Variants in CHRNB4 observed in about 807,000 individuals in gnomAD.
CHRNB4 encodes the protein cholinergic receptor nicotinic beta 4 subunit.
CHRNB4 carries 23 observed loss-of-function variants against 40.4 expected under a neutral mutation model. The ratio of observed to expected loss-of-function variants is 0.57; its 90% CI spans 0.41 to 0.81. The LOEUF is 0.81. Among genes scored for constraint, CHRNB4 ranks in the 30% least tolerant of loss-of-function variants. The probability of loss-of-function intolerance (pLI) is 0.00; values close to 1 mark genes in which losing one functional copy is unlikely to be tolerated. For synonymous variants in CHRNB4, 285 were observed against 274.4 expected (o/e 1.04, Z -0.38); for missense variants, 568 against 670.6 (o/e 0.85, Z 1.69).
At chr15:78,638,222 C>T (rs1256032741) in intron 1 of CHRNB4, among the ~76,000 whole-genome samples, 9 of 152,204 alleles carry the variant, frequency 5.9e-5, no homozygotes, top group African/African-American at 1.7e-4. Context: ...GCTCCAGCTC[C>T]GAGCCCACCT....
At chr15:78,660,385 G>C (rs1185406059) in intron 1 of CHRNB4, 1 of 152,234 alleles carries the variant, frequency 6.6e-6, no homozygotes, top group Non-Finnish European at 1.5e-5. Context: ...ATTGTTTCCT[G>C]GGAGAAGCCA....
rs1029430468 is a variant in CHRNB4, at chr15:78,641,141, G to T, written c.-8C>A. On this transcript the variant is annotated 5_prime_UTR_variant, in exon 1 of 6. Transcript: ENST00000261751. ...GGAAGGCGCGCGCCTCATGGCCGGC[G>T]GGGCCGGGTGGCAGCCGCCGCGAGC... 7.7e-6 allele frequency: 12 copies of T among 1,551,726 alleles called. No individual in the cohort carries two copies. In the African/African-American group the frequency reaches 1.5e-4, roughly 20 times the overall value.
intron 1 of CHRNB4, among the ~76,000 whole-genome samples, chr15:78,638,489 A>T (rs1567129782): frequency 6.6e-6 from 1 of 152,142 alleles, no homozygotes. Flanking sequence ...GTCTTCCCTG[A>T]CCCCTGAGCC....
chr15:78,655,893 G>T (rs1031835900), intron 4 of CHRNB4, among the ~76,000 whole-genome samples: 1 of 152,114 alleles, frequency 6.6e-6, no homozygotes, highest in African/African-American at 2.4e-5. Flanking sequence ...CATTTATTTA[G>T]TTCCTCTTCA....
At chr15:78,627,054 G>A (rs1455496520) in intron 5 of CHRNB4, 1 of 152,212 alleles carries the variant, frequency 6.6e-6, no homozygotes, top group Non-Finnish European at 1.5e-5. Flanking sequence ...CTCCGCCAGA[G>A]ATCCTGGCTC....
At chr15:78,652,536 T>C (rs2054181920) in intron 6 of CHRNB4, 1 of 152,270 alleles carries the variant, frequency 6.6e-6, no homozygotes, top group African/African-American at 2.4e-5. Flanking sequence ...GGCCTCATCA[T>C]CTGGGCTGGT....
chr15:78,655,646 G>C (rs558980717), exon 5 of CHRNB4: 13 of 151,930 alleles, frequency 8.6e-5, no homozygotes, highest in African/African-American at 3.1e-4. Flanking sequence ...ACTCCAGCTC[G>C]AGCAACAGAG....
intron 5 of CHRNB4, among the ~76,000 whole-genome samples, chr15:78,654,590 T>G (rs909262626): frequency 2.0e-5 from 3 of 152,144 alleles, no homozygotes; most frequent in Non-Finnish European, 2.9e-5. Context: ...CAAGAGTATC[T>G]TCCGTGTACG....
chr15:78,625,334 G>T, intron 5 of CHRNB4, 43 bp from the exon 6 acceptor site: 1 of 1,504,020 alleles, frequency 6.6e-7, no homozygotes, highest in Non-Finnish European at 8.9e-7. Flanking sequence ...CCAAGTACTG[G>T]GGTCCCTCCT....
At chr15:78,651,097 C>T (rs2054168126) in intron 6 of CHRNB4, among the ~76,000 whole-genome samples, 1 of 152,068 alleles carries the variant, frequency 6.6e-6, no homozygotes, top group African/African-American at 2.4e-5. Flanking sequence ...TGGACAGGAG[C>T]TGGCCCAAGT....
chr15:78,646,214 C>T (rs982738670), upstream of CHRNB4, among the ~76,000 whole-genome samples: 3 of 152,058 alleles, frequency 2.0e-5, no homozygotes, highest in East Asian at 3.9e-4. Flanking sequence ...AGCAAAAGAT[C>T]CATGACACAC....
intron 1 of CHRNB4, among the ~76,000 whole-genome samples, chr15:78,637,928 C>T (rs1314451065): frequency 2.0e-5 from 3 of 152,178 alleles, no homozygotes; most frequent in African/African-American, 7.2e-5. Flanking sequence ...AGGCCAGCTG[C>T]TTGAGTACCC....
At chr15:78,638,635 G>C (rs866864596) in intron 1 of CHRNB4, among the ~76,000 whole-genome samples, 60 of 152,080 alleles carry the variant, frequency 3.9e-4, no homozygotes, top group African/African-American at 1.2e-3. Flanking sequence ...GGCCGGGGGG[G>C]TGGTGCACTG....
At position 78,625,167 on chromosome 15, in the gene CHRNB4, G is replaced by T; in HGVS notation, c.1463C>A (p.Ala488Asp). The T allele has an allele frequency of 6.2e-7, 1 of 1,613,700 alleles. No individual in the cohort carries two copies. Among genetic ancestry groups the T allele is most frequent in the Non-Finnish European group, 8.5e-7 (1 of 1,179,838 alleles). The change falls in exon 6 of 6, where the codon GCT becomes GAT. Residue 488 changes from alanine to aspartate, a missense_variant. By Grantham distance (126) the Ala-to-Asp change is moderately radical (BLOSUM62 -2). Transcript: ENST00000261751. ...FLPPLFQTHA[A>D]SEGPYAAQRD ...CTGGGCAGCGTAGGGCCCCTCAGAA[G>T]CTGCATGGGTCTGGAAGAGGGGCGG...
intron 1 of CHRNB4, among the ~76,000 whole-genome samples, chr15:78,636,042 G>A (rs1482606600): frequency 1.3e-5 from 2 of 152,006 alleles, no homozygotes; most frequent in African/African-American, 2.4e-5. Flanking sequence ...AGAGTAGCTG[G>A]GATTACAGGC....
At chr15:78,658,029 T>C (rs905260044) in intron 2 of CHRNB4, among the ~76,000 whole-genome samples, 2 of 4,328 alleles carry the variant, frequency 4.6e-4, no homozygotes, top group African/African-American at 9.8e-4. Context: ...CTTGTTTCTC[T>C]TTTTTTTTTT....
intron 4 of CHRNB4, among the ~76,000 whole-genome samples, chr15:78,630,462 A>G (rs2053780877): frequency 6.6e-6 from 1 of 152,162 alleles, no homozygotes; most frequent in African/African-American, 2.4e-5. Flanking sequence ...AAGGCTTCCC[A>G]TGGAATAGCT....
In CHRNB4 at chr15:78,629,165, G is replaced by C. The variant is rs78486549; in HGVS notation, c.1140C>G (p.Ser380=). ...PEATATSTSP[S]NFYGNSMYFV... is the part of the protein sequence containing the mutation. ...AGTACATGGAGTTCCCATAGAAGTT[G>C]GAGGGGCTGGTGGAGGTGGCGGTGG... Residue 380 remains serine (S), a synonymous_variant, in exon 5 of 6, where the codon TCC becomes TCG. Coordinates refer to ENST00000261751, the MANE Select transcript of CHRNB4 (RefSeq NM_000750.5). This position sits in a 1 kb window ranked among gnomAD's most constrained non-coding sequence, Gnocchi z 6.8. The C allele has an allele frequency of 1.9e-6, 3 of 1,614,106 alleles. No homozygotes were observed. In the South Asian group the frequency reaches 3.3e-5, roughly 18 times the overall value.
intron 2 of CHRNB4, among the ~76,000 whole-genome samples, chr15:78,633,830 C>T (rs1258889302): frequency 1.3e-5 from 2 of 150,144 alleles, no homozygotes; most frequent in Non-Finnish European, 2.9e-5. Flanking sequence ...TCAAAACAGG[C>T]AAGCCCAGGA....
Sources: gnomAD v4.1 joint callset for allele counts (sites outside exome capture counted in the v4.1 genomes callset) on GRCh38, gnomAD v4.1.1 for gene constraint, Gnocchi (gnomAD v3.1) non-coding constraint, MANE v1.5 for transcripts, NCBI Gene and HGNC (gene_info 2026-07-23, HGNC 2026-07-21) for gene names.